The following TMEM132C variants were observed in gnomAD, a reference collection of about 807,000 sequenced individuals.
TMEM132C encodes the protein protein phosphatase 1, regulatory subunit 152.
A neutral mutation model predicts 61.4 loss-of-function variants in TMEM132C; 29 were observed. The observed-to-expected ratio is 0.47, with a 90% confidence interval of 0.35 to 0.64. The LOEUF (loss-of-function observed/expected upper bound fraction) is 0.64, where lower values mean the gene tolerates loss of function less well. TMEM132C is among the 30% of genes least tolerant of loss of function. The probability of loss-of-function intolerance (pLI) is 0.00; values close to 1 mark genes in which losing one functional copy is unlikely to be tolerated. For missense variants in TMEM132C, 1,408 were observed against 1,476.9 expected (o/e 0.95, Z 0.76); for synonymous variants, 656 against 633.1 (o/e 1.04, Z -0.54).
At chr12:128,451,469 A>T (rs1188248783) in intron 2 of TMEM132C, among the ~76,000 whole-genome samples, 1 of 152,196 alleles carries the variant, frequency 6.6e-6, no homozygotes, top group East Asian at 1.9e-4. Context: ...CCCGGCAGGA[A>T]AGAGGGCTGC....
At chr12:128,563,595 T>G (rs1029191379) in intron 3 of TMEM132C, among the ~76,000 whole-genome samples, 3 of 152,192 alleles carry the variant, frequency 2.0e-5, no homozygotes, top group Admixed American at 6.5e-5. Context: ...ATCCTAGCAC[T>G]GTGCCATGCG....
At chr12:128,536,870 C>T (rs538539539) in intron 2 of TMEM132C, among the ~76,000 whole-genome samples, 8 of 152,240 alleles carry the variant, frequency 5.3e-5, no homozygotes, top group African/African-American at 1.2e-4. Context: ...AGCTTTATTT[C>T]TCATAAAGGA....
intron 2 of TMEM132C, among the ~76,000 whole-genome samples, chr12:128,445,270 C>A (rs986443136): frequency 6.6e-6 from 1 of 151,762 alleles, no homozygotes; most frequent in Non-Finnish European, 1.5e-5. Flanking sequence ...AGTTCAGCGG[C>A]GTGCACATTT....
At chr12:128,271,264 T>C (rs1870504424) in intron 1 of TMEM132C, among the ~76,000 whole-genome samples, 1 of 92,500 alleles carries the variant, frequency 1.1e-5, no homozygotes, top group Admixed American at 1.2e-4. Context: ...AAAATAATAA[T>C]AATATAATAA....
intron 4 of TMEM132C, among the ~76,000 whole-genome samples, chr12:128,638,817 G>C (rs1465710595): frequency 2.0e-5 from 3 of 152,004 alleles, no homozygotes; most frequent in African/African-American, 7.2e-5. Flanking sequence ...TGATGGTGCT[G>C]ATGGTAATGA....
At chr12:128,536,510 C>T (rs1032222915) in intron 2 of TMEM132C, among the ~76,000 whole-genome samples, 4 of 146,682 alleles carry the variant, frequency 2.7e-5, no homozygotes, top group African/African-American at 1.0e-4. Context: ...GCACGTGTAC[C>T]CTAGAACTTA....
chr12:128,425,669 C>T lies in TMEM132C; in HGVS notation c.974+10049C>T, dbSNP rs553310635. Among the ~76,000 whole-genome samples the T allele has an allele frequency of 5.9e-5, 9 of 152,308 alleles. No individual in the cohort carries two copies. In the South Asian group the frequency reaches 1.0e-3, roughly 18 times the overall value. On this transcript the variant is annotated intron_variant, in intron 2 of 8. Transcript: ENST00000435159. ...GGTGCCAGCAAGGCCATGCTCCCTCCGAAGGCTCTAGAGAAGGCCCTTCCT... is the reference window on the plus strand; with the variant it reads ...GGTGCCAGCAAGGCCATGCTCCCTCTGAAGGCTCTAGAGAAGGCCCTTCCT...
chr12:128,283,236 CT>C (rs1250377403), intron 1 of TMEM132C, among the ~76,000 whole-genome samples: 1 of 152,200 alleles, frequency 6.6e-6, no homozygotes, highest in Non-Finnish European at 1.5e-5. Context: ...ATGACAACTT[CT>C]GTGTTGTTCT....
chr12:128,583,400 A>AG (rs1875420592), intron 3 of TMEM132C, among the ~76,000 whole-genome samples: 1 of 152,130 alleles, frequency 6.6e-6, no homozygotes, highest in Non-Finnish European at 1.5e-5. Flanking sequence ...GTCAAAAAAA[A>AG]AAAAAAGCTT....
intron 5 of TMEM132C, among the ~76,000 whole-genome samples, chr12:128,689,443 TCA>T (rs2135648311): frequency 6.6e-6 from 1 of 152,300 alleles, no homozygotes; most frequent in East Asian, 1.9e-4. Context: ...AGCGGGATTG[TCA>T]CTGTGTACGA....
intron 2 of TMEM132C, among the ~76,000 whole-genome samples, chr12:128,494,644 G>C (rs1447214008): frequency 1.3e-5 from 2 of 152,206 alleles, no homozygotes; most frequent in Admixed American, 6.5e-5. Flanking sequence ...TGGAGCTATT[G>C]ATAATATTCT....
At chr12:128,398,591 G>C (rs1256117106) in intron 1 of TMEM132C, among the ~76,000 whole-genome samples, 1 of 152,218 alleles carries the variant, frequency 6.6e-6, no homozygotes, top group Non-Finnish European at 1.5e-5. Context: ...AGACAGGATA[G>C]CGCAGAAATG....
intron 1 of TMEM132C, among the ~76,000 whole-genome samples, chr12:128,285,012 T>C (rs1364391086): frequency 6.6e-6 from 1 of 152,030 alleles, no homozygotes; most frequent in East Asian, 1.9e-4. Context: ...GGCGTGGTGG[T>C]GAGTGCCTTT....
intron 4 of TMEM132C, among the ~76,000 whole-genome samples, chr12:128,643,752 T>G (rs935024823): frequency 5.3e-5 from 8 of 152,218 alleles, no homozygotes; most frequent in Non-Finnish European, 2.9e-5. Context: ...CTGCTCTCGT[T>G]TTCTTTAGAT....
chr12:128,532,673 G>C lies in TMEM132C; in HGVS notation c.975-11284G>C, dbSNP rs1273700212. 2.1e-5 allele frequency among the ~76,000 whole-genome samples: 3 copies of C among 141,818 alleles called. No individual in the cohort carries two copies. The East Asian group carries it at 6.1e-4, about 29-fold the overall frequency. The allele number at this position is 141,818 out of a possible 152,430, so 93.0% of individuals were successfully genotyped here. On this transcript the variant is annotated intron_variant, in intron 2 of 8. Transcript: ENST00000435159. ...AAAAAAAAAAAAAAAAAAAAGAGCA[G>C]TAGCCAAATTAGAGAAACATATTAA...
chr12:128,465,878 G>A (rs1870715491), intron 2 of TMEM132C, among the ~76,000 whole-genome samples: 1 of 152,212 alleles, frequency 6.6e-6, no homozygotes, highest in Admixed American at 6.5e-5. Flanking sequence ...GCTGTGATGA[G>A]GGTGTGTCTG....
chr12:128,682,113 T>C (rs918714812), intron 5 of TMEM132C, among the ~76,000 whole-genome samples: 2 of 152,210 alleles, frequency 1.3e-5, no homozygotes, highest in African/African-American at 4.8e-5. Context: ...TTGCTGTGGC[T>C]AGGAATGAGA....
intron 1 of TMEM132C, among the ~76,000 whole-genome samples, chr12:128,289,732 C>T (rs1226155017): frequency 6.6e-6 from 1 of 152,202 alleles, no homozygotes; most frequent in Non-Finnish European, 1.5e-5. Context: ...ATCTGCACTT[C>T]CATTTACTTA....
At chr12:128,312,589 A>C (rs956544323) in intron 1 of TMEM132C, among the ~76,000 whole-genome samples, 85 of 152,316 alleles carry the variant, frequency 5.6e-4, no homozygotes, top group African/African-American at 2.0e-3. Context: ...AAGGCGATGT[A>C]GCAATGGAGG....
Sources: allele counts gnomAD v4.1 joint callset (sites outside exome capture counted in the v4.1 genomes callset), GRCh38; gene constraint gnomAD v4.1.1; transcripts MANE v1.5; gene names NCBI Gene and HGNC (gene_info 2026-07-23, HGNC 2026-07-21).